The following DOCK2 variants were observed in gnomAD, a reference collection of about 807,000 sequenced individuals.
The protein encoded by DOCK2 is dedicator of cytokinesis 2.
Under a neutral mutation model 248.9 loss-of-function variants are expected in DOCK2, and 87 were observed. That is an observed-to-expected ratio of 0.35 (90% confidence interval 0.29 to 0.42). The LOEUF (loss-of-function observed/expected upper bound fraction) is 0.42. DOCK2 is among the 10% of genes least tolerant of loss of function. The pLI, the probability that DOCK2 is intolerant of heterozygous loss-of-function variation, is 1.00. For missense variants in DOCK2, 1,747 were observed against 2,300.2 expected (o/e 0.76, Z 4.92); for synonymous variants, 805 against 821.6 (o/e 0.98, Z 0.35).
At chr5:169,759,492 C>T (rs1764361535) in intron 23 of DOCK2, among the ~76,000 whole-genome samples, 1 of 152,194 alleles carries the variant, frequency 6.6e-6, no homozygotes. Flanking sequence ...TATGTTATTG[C>T]CTCCTTGAAG....
intron 27 of DOCK2, among the ~76,000 whole-genome samples, chr5:169,919,092 A>T (rs1316263711): frequency 1.3e-5 from 2 of 152,206 alleles, no homozygotes; most frequent in African/African-American, 4.8e-5. Context: ...TTTCCTAAGG[A>T]CACTATGATC....
intron 14 of DOCK2, among the ~76,000 whole-genome samples, chr5:169,706,167 A>G (rs1372274789): frequency 6.6e-6 from 1 of 152,200 alleles, no homozygotes; most frequent in Non-Finnish European, 1.5e-5. Flanking sequence ...AGCCTTAGGA[A>G]ATCAAAAATT....
intron 27 of DOCK2, among the ~76,000 whole-genome samples, chr5:169,895,976 GACCT>G (rs1773576983): frequency 6.6e-6 from 1 of 152,258 alleles, no homozygotes; most frequent in Non-Finnish European, 1.5e-5. Flanking sequence ...CCTGAACAGG[GACCT>G]TTATGTGAAT....
intron 49 of DOCK2, chr5:170,079,694 C>G (rs1345723855): frequency 6.2e-6 from 1 of 161,782 alleles, no homozygotes; most frequent in African/African-American, 2.4e-5. Flanking sequence ...ATCTTAGTTT[C>G]CCCCTGGAAA....
At chr5:169,685,957 G>A (rs1249139878) in intron 8 of DOCK2, among the ~76,000 whole-genome samples, 1 of 152,146 alleles carries the variant, frequency 6.6e-6, no homozygotes, top group East Asian at 1.9e-4. Flanking sequence ...TATTCTAAAT[G>A]GTTTTCACCA....
At chr5:169,666,629 C>G (rs1363413955) in intron 2 of DOCK2, among the ~76,000 whole-genome samples, 2 of 152,092 alleles carry the variant, frequency 1.3e-5, no homozygotes, top group Non-Finnish European at 2.9e-5. Context: ...ATTAGGGAAC[C>G]AACATCAGTG....
intron 27 of DOCK2, among the ~76,000 whole-genome samples, chr5:169,978,477 G>A (rs1777814852): frequency 6.6e-6 from 1 of 150,576 alleles, no homozygotes. Flanking sequence ...AAAATTATTG[G>A]CATTGTCAAT....
intron 22 of DOCK2, among the ~76,000 whole-genome samples, chr5:169,739,866 C>G (rs1010722556): frequency 6.6e-6 from 1 of 152,062 alleles, no homozygotes; most frequent in South Asian, 2.1e-4. Flanking sequence ...ATGATGTAAT[C>G]TATATATTTC....
At chr5:170,077,988 C>T (rs1757896918) in intron 48 of DOCK2, 151 bp downstream of exon 48, 3 of 680,370 alleles carry the variant, frequency 4.4e-6, no homozygotes, top group East Asian at 5.6e-5. Context: ...CTCACAACTA[C>T]CCCAGGAGGC....
intron 25 of DOCK2, among the ~76,000 whole-genome samples, chr5:169,767,735 G>A (rs1252589471): frequency 1.3e-5 from 2 of 152,110 alleles, no homozygotes; most frequent in African/African-American, 4.8e-5. Context: ...CAATAGTAAC[G>A]ACATCAACAG....
intron 22 of DOCK2, among the ~76,000 whole-genome samples, chr5:169,729,715 A>G (rs1284900439): frequency 1.3e-5 from 2 of 152,202 alleles, no homozygotes; most frequent in Non-Finnish European, 2.9e-5. Context: ...TTCAAATGGT[A>G]ATAAATGTCA....
chr5:169,662,875 A>C (rs114210614), intron 2 of DOCK2, among the ~76,000 whole-genome samples: 1 of 152,152 alleles, frequency 6.6e-6, no homozygotes. Context: ...CCCAAATCTC[A>C]TGTCCTTCTT....
intron 27 of DOCK2, among the ~76,000 whole-genome samples, chr5:169,975,241 C>G (rs1777674936): frequency 6.6e-6 from 1 of 152,154 alleles, no homozygotes; most frequent in African/African-American, 2.4e-5. Flanking sequence ...AACTCCTGAC[C>G]CTAGGAACAA....
At chr5:169,748,317 A>G (rs546488233) in intron 23 of DOCK2, among the ~76,000 whole-genome samples, 2 of 152,250 alleles carry the variant, frequency 1.3e-5, no homozygotes, top group African/African-American at 4.8e-5. Context: ...CAGCCTGGGG[A>G]ATGTTTGCTT....
intron 27 of DOCK2, among the ~76,000 whole-genome samples, chr5:169,869,513 A>T (rs1008458243): frequency 6.6e-6 from 1 of 152,200 alleles, no homozygotes; most frequent in East Asian, 1.9e-4. Context: ...GACACACTAC[A>T]GTTTGGAAGG....
chr5:170,033,501 A>G (rs757298783), intron 34 of DOCK2, among the ~76,000 whole-genome samples: 2 of 152,164 alleles, frequency 1.3e-5, no homozygotes, highest in Non-Finnish European at 2.9e-5. Flanking sequence ...CTGACTGTAC[A>G]TGGCACTTTA....
chr5:169,918,904 T>C (rs555993508), intron 27 of DOCK2, among the ~76,000 whole-genome samples: 14 of 152,256 alleles, frequency 9.2e-5, no homozygotes, highest in Admixed American at 4.6e-4. Flanking sequence ...AGCAAGACTT[T>C]GTCTCAAAAA....
chr5:169,881,544 C>CGGTGCTCTGAA (rs1772648605), intron 27 of DOCK2: 1 of 866,312 alleles, frequency 1.2e-6, no homozygotes, highest in Admixed American at 2.1e-5. Context: ...ACAGCATTCA[C>CGGTGCTCTGAA]GGTGCTCTGA....
chr5:169,887,176 G>A (rs1773020377), intron 27 of DOCK2, among the ~76,000 whole-genome samples: 1 of 152,158 alleles, frequency 6.6e-6, no homozygotes, highest in African/African-American at 2.4e-5. Context: ...CTAGCAAGCA[G>A]GTTTCAAACT....
Sources: allele counts gnomAD v4.1 joint callset (sites outside exome capture counted in the v4.1 genomes callset), GRCh38; gene constraint gnomAD v4.1.1; transcripts MANE v1.5; gene names NCBI Gene and HGNC (gene_info 2026-07-23, HGNC 2026-07-21).